Variants in CDH13 observed in about 807,000 individuals in gnomAD.
The protein encoded by CDH13 is cadherin 13, also known as cadherin-13.
A neutral mutation model predicts 63.8 loss-of-function variants in CDH13; 24 were observed. The ratio of observed to expected loss-of-function variants is 0.38; its 90% CI spans 0.27 to 0.53. CDH13 has a LOEUF of 0.53. CDH13 is among the 20% of genes least tolerant of loss of function. The probability of loss-of-function intolerance (pLI) is 0.85; values close to 1 mark genes in which losing one functional copy is unlikely to be tolerated. For missense variants in CDH13, 1,049 were observed against 903.1 expected, an observed-to-expected ratio of 1.16 and a Z score of -2.07; for synonymous variants, 503 against 355.3, an observed-to-expected ratio of 1.42 and a Z score of -4.67.
intron 2 of CDH13, among the ~76,000 whole-genome samples, chr16:82,967,573 T>C (rs1023305124): frequency 1.3e-5 from 2 of 152,216 alleles, no homozygotes; most frequent in African/African-American, 4.8e-5. Context: ...GAACAGCATT[T>C]TCCTGCCTTA....
chr16:83,750,466 A>G (rs925998111), intron 11 of CDH13, among the ~76,000 whole-genome samples: 4 of 152,102 alleles, frequency 2.6e-5, no homozygotes, highest in African/African-American at 9.7e-5. Flanking sequence ...TGTCCTCTCA[A>G]TGTTGACGTA....
chr16:82,955,866 TA>T (rs766744155), intron 2 of CDH13, among the ~76,000 whole-genome samples: 20 of 152,212 alleles, frequency 1.3e-4, no homozygotes, highest in Non-Finnish European at 2.6e-4. Flanking sequence ...GTTTGCAATG[TA>T]AATAAAGAGA....
intron 1 of CDH13, among the ~76,000 whole-genome samples, chr16:82,633,460 A>G (rs1212190374): frequency 6.6e-6 from 1 of 152,110 alleles, no homozygotes; most frequent in Non-Finnish European, 1.5e-5. Context: ...GCTCACTGCA[A>G]CCTCCACCTC....
intron 13 of CDH13, chr16:83,790,028 A>T (rs1396342872): frequency 6.6e-6 from 1 of 152,176 alleles, no homozygotes; most frequent in Non-Finnish European, 1.5e-5. Flanking sequence ...ATGGCAAGAA[A>T]AAATACTCAG....
At chr16:83,683,838 C>A (rs919247861) in intron 10 of CDH13, among the ~76,000 whole-genome samples, 1 of 152,110 alleles carries the variant, frequency 6.6e-6, no homozygotes, top group Non-Finnish European at 1.5e-5. Flanking sequence ...TTATATTTTC[C>A]ATCATTTCTA....
At chr16:83,197,811 G>A (rs943983990) in intron 4 of CDH13, among the ~76,000 whole-genome samples, 1 of 86,432 alleles carries the variant, frequency 1.2e-5, no homozygotes, top group Non-Finnish European at 2.3e-5. Context: ...CACACACTCT[G>A]ACACATTCAC....
chr16:83,161,980 A>C (rs1360155223), intron 4 of CDH13, among the ~76,000 whole-genome samples: 1 of 152,178 alleles, frequency 6.6e-6, no homozygotes, highest in Non-Finnish European at 1.5e-5. Context: ...ATCAGTGCCA[A>C]ATTCTCTCAC....
At chr16:83,588,934 C>T (rs916346208) in intron 7 of CDH13, among the ~76,000 whole-genome samples, 2 of 152,064 alleles carry the variant, frequency 1.3e-5, no homozygotes, top group Admixed American at 6.5e-5. Context: ...TCAGCGGTCA[C>T]CCCCCAGAGA....
At chr16:83,110,918 C>T (rs1230575397) in intron 3 of CDH13, among the ~76,000 whole-genome samples, 2 of 149,622 alleles carry the variant, frequency 1.3e-5, no homozygotes, top group Non-Finnish European at 1.5e-5. Flanking sequence ...CAGCAACCAC[C>T]ACAATGCCTG....
At chr16:83,310,853 C>T (rs1430028394) in intron 5 of CDH13, among the ~76,000 whole-genome samples, 2 of 152,148 alleles carry the variant, frequency 1.3e-5, no homozygotes, top group Admixed American at 1.3e-4. Context: ...AGAAAGGAAC[C>T]CTCCTAACAA....
intron 1 of CDH13, chr16:82,705,240 G>T (rs2031393399): frequency 2.2e-6 from 1 of 446,772 alleles, no homozygotes; most frequent in East Asian, 7.0e-5. Flanking sequence ...GGGAGGACAA[G>T]GTGCGGCTGC....
chr16:83,791,555 G>A (rs1222202741), intron 13 of CDH13, among the ~76,000 whole-genome samples: 1 of 152,012 alleles, frequency 6.6e-6, no homozygotes, highest in Non-Finnish European at 1.5e-5. Flanking sequence ...GCTCATACCT[G>A]TAATCCCAGC....
At chr16:82,840,324 A>C (rs964940843) in intron 1 of CDH13, among the ~76,000 whole-genome samples, 1 of 151,840 alleles carries the variant, frequency 6.6e-6, no homozygotes, top group Non-Finnish European at 1.5e-5. Context: ...TATTGCCCTA[A>C]AATGTCTCTG....
intron 1 of CDH13, among the ~76,000 whole-genome samples, chr16:82,660,730 A>G (rs961055775): frequency 6.6e-6 from 1 of 152,202 alleles, no homozygotes; most frequent in Non-Finnish European, 1.5e-5. Flanking sequence ...GGGAGCAAAG[A>G]AAAATGAAAA....
intron 4 of CDH13, among the ~76,000 whole-genome samples, chr16:83,167,489 G>T (rs886753412): frequency 8.8e-5 from 10 of 114,230 alleles, no homozygotes; most frequent in African/African-American, 4.0e-4. Flanking sequence ...GACAGAGTGA[G>T]ACCCTTTCCC....
At chr16:83,475,690 T>G (rs1184502676) in intron 6 of CDH13, among the ~76,000 whole-genome samples, 1 of 152,184 alleles carries the variant, frequency 6.6e-6, no homozygotes, top group East Asian at 1.9e-4. Context: ...CAAGCAGTTC[T>G]CACACCTCAG....
At chr16:82,968,840 C>A (rs1178788950) in intron 2 of CDH13, among the ~76,000 whole-genome samples, 1 of 152,190 alleles carries the variant, frequency 6.6e-6, no homozygotes, top group African/African-American at 2.4e-5. Context: ...AATAATAAGG[C>A]TGGGTGTAGT....
chr16:83,520,042 C>T (rs1268582857), intron 7 of CDH13, among the ~76,000 whole-genome samples: 2 of 152,098 alleles, frequency 1.3e-5, no homozygotes, highest in Non-Finnish European at 2.9e-5. Flanking sequence ...TATAAATGTT[C>T]ACCATTGCTA....
chr16:82,814,524 C>T (rs937481459), intron 1 of CDH13, among the ~76,000 whole-genome samples: 2 of 152,108 alleles, frequency 1.3e-5, no homozygotes, highest in Admixed American at 6.6e-5. Flanking sequence ...AAAGGGCTTC[C>T]AGGTTGCTGA....
Sources: allele counts gnomAD v4.1 joint callset (sites outside exome capture counted in the v4.1 genomes callset), GRCh38; gene constraint gnomAD v4.1.1; transcripts MANE v1.5; gene names NCBI Gene and HGNC (gene_info 2026-07-23, HGNC 2026-07-21).